The following TMEM220 variants were observed in gnomAD, a reference collection of about 807,000 sequenced individuals.
The protein encoded by TMEM220 is transmembrane protein 220.
Under a neutral mutation model 21.7 loss-of-function variants are expected in TMEM220, and 21 were observed. The ratio of observed to expected loss-of-function variants is 0.97; its 90% CI spans 0.69 to 1.39. TMEM220 has a LOEUF of 1.39. Among genes scored for constraint, TMEM220 ranks in the 40% most tolerant of loss-of-function variants. The probability of loss-of-function intolerance (pLI) is 0.00; values close to 1 mark genes in which losing one functional copy is unlikely to be tolerated. For synonymous variants in TMEM220, 80 were observed against 73.6 expected (o/e 1.09, Z -0.45); for missense variants, 191 against 201.9 (o/e 0.95, Z 0.33).
At chr17:10,715,715 T>TA (rs2074908595) in intron 5 of TMEM220, 127 bp from the exon 6 acceptor site, 1 of 624,286 alleles carries the variant, frequency 1.6e-6, no homozygotes, top group Non-Finnish European at 2.5e-6. Flanking sequence ...TTTATTGAAA[T>TA]ATAACATTGA....
At chr17:10,728,237 C>A (rs562939766) in intron 2 of TMEM220, among the ~76,000 whole-genome samples, 2 of 150,142 alleles carry the variant, frequency 1.3e-5, no homozygotes, top group Non-Finnish European at 3.0e-5. Context: ...CAAATCAGAG[C>A]CTTGCTTATA....
intron 2 of TMEM220, among the ~76,000 whole-genome samples, chr17:10,727,839 G>A (rs1312049242): frequency 6.6e-6 from 1 of 152,084 alleles, no homozygotes; most frequent in East Asian, 1.9e-4. Context: ...GAGAGAAACT[G>A]GGCAAAATTC....
intron 5 of TMEM220, 25 bp downstream of exon 5, chr17:10,723,245 A>G: frequency 6.2e-7 from 1 of 1,609,870 alleles, no homozygotes; most frequent in South Asian, 1.1e-5. Flanking sequence ...TCCCAAAGTG[A>G]AGATGTGATG....
intron 5 of TMEM220, among the ~76,000 whole-genome samples, chr17:10,718,587 T>C (rs1379045880): frequency 6.6e-6 from 1 of 152,198 alleles, no homozygotes; most frequent in East Asian, 1.9e-4. Flanking sequence ...TATGTTTCCC[T>C]CTAAGCATGA....
Position 10,729,682 on chromosome 17 carries a change from C to T in TMEM220, c.72+98G>A, listed in dbSNP as rs987738721. On this transcript the variant is annotated intron_variant, in intron 1 of 5. Coordinates refer to ENST00000341871, the MANE Select transcript of TMEM220 (RefSeq NM_001004313.3). ...TCCCGTCCTCCCCACTAACTGTGCG[C>T]CCCTGCGACTCTGCCCGCTAGTCAG... is the stretch of plus-strand genomic sequence containing the variant. 1.8e-5 allele frequency: 19 copies of T among 1,067,690 alleles called. No homozygotes were observed. The Admixed American group carries it at 2.0e-4, about 11-fold the overall frequency. 66.1% of individuals were successfully genotyped at this position (1,067,690 alleles called of 1,614,324 possible).
In TMEM220 at chr17:10,715,304, C is replaced by T. The variant is rs2074898455; in HGVS notation, c.*149G>A. 2 of 635,748 alleles carry T rather than the reference C, an allele frequency of 3.1e-6. No homozygotes were observed. The highest frequency in any genetic ancestry group is 2.5e-5 in the South Asian group (1 of 40,444). The allele number at this position is 635,748 out of a possible 1,614,324, so 39.4% of individuals were successfully genotyped here. On this transcript the variant is annotated 3_prime_UTR_variant, in exon 6 of 6. Coordinates refer to ENST00000341871, the MANE Select transcript of TMEM220 (RefSeq NM_001004313.3). ...CTCTTACTTGTCCCATCCAATCTTA[C>T]ATCGAATTATATGCACCCTTAAAAA...
intron 5 of TMEM220, among the ~76,000 whole-genome samples, chr17:10,717,062 A>G (rs948461001): frequency 6.6e-6 from 1 of 152,218 alleles, no homozygotes; most frequent in Non-Finnish European, 1.5e-5. Context: ...CACTTATTCT[A>G]GTAATTTTTT....
chr17:10,729,628 G>C, intron 1 of TMEM220, 152 bp downstream of exon 1: 1 of 578,048 alleles, frequency 1.7e-6, no homozygotes, highest in Non-Finnish European at 2.6e-6. Context: ...GGGGGAGAAA[G>C]TGGGGGCTCC....
intron 5 of TMEM220, chr17:10,715,990 T>C (rs2074913731): frequency 2.6e-5 from 11 of 416,072 alleles, no homozygotes; most frequent in Non-Finnish European, 4.3e-6. Flanking sequence ...TTTATAAAAA[T>C]ATACTGCCCT....
intron 2 of TMEM220, 53 bp from the exon 3 acceptor site, chr17:10,726,317 T>C: frequency 7.2e-7 from 1 of 1,393,004 alleles, no homozygotes; most frequent in Non-Finnish European, 1.0e-6. Flanking sequence ...GCCCAATATA[T>C]GAGATGTTCA....
intron 3 of TMEM220, 74 bp downstream of exon 3, chr17:10,726,130 T>G: frequency 8.1e-7 from 1 of 1,237,676 alleles, no homozygotes; most frequent in Non-Finnish European, 1.2e-6. Flanking sequence ...CTCCTGGGAG[T>G]TGGGCAGATA....
chr17:10,712,965 G>T (rs140443243), downstream of TMEM220, among the ~76,000 whole-genome samples: 325 of 152,192 alleles, frequency 2.1e-3, 1 homozygote, highest in Non-Finnish European at 4.2e-3. Context: ...AAAATGTGAA[G>T]GTGTGAAAGA....
chr17:10,729,018 G>A lies in TMEM220; in HGVS notation c.102+13C>T, dbSNP rs373429827. 4.3e-6 allele frequency: 7 copies of A among 1,614,094 alleles called. No individual in the cohort carries two copies. Among genetic ancestry groups the A allele is most frequent in the East Asian group, 4.5e-5 (2 of 44,886 alleles). On this transcript the variant is annotated intron_variant, in intron 2 of 5. Coordinates refer to ENST00000341871, the MANE Select transcript of TMEM220 (RefSeq NM_001004313.3). ...TCCAAACGGAGGAAAGCCTGGAAGCGGCTCATACTCACCACCCACACCTCT... is the reference window on the plus strand; with the variant it reads ...TCCAAACGGAGGAAAGCCTGGAAGCAGCTCATACTCACCACCCACACCTCT...
chr17:10,729,000 G>A (rs781625530), intron 2 of TMEM220, 31 bp downstream of exon 2: 5 of 1,613,372 alleles, frequency 3.1e-6, no homozygotes, highest in Non-Finnish European at 4.2e-6. Flanking sequence ...TCTTCCAAAC[G>A]GAGGAAAGCC....
rs868175452 is a variant in TMEM220, at chr17:10,713,673, C to G, written c.*1780G>C. The G allele has an allele frequency of 1.3e-5, 2 of 152,006 alleles. No homozygotes were observed. Among genetic ancestry groups the G allele is most frequent in the South Asian group, 2.1e-4 (1 of 4,826 alleles). The allele number at this position is 152,006 out of a possible 1,614,324, so 9.4% of individuals were successfully genotyped here. On this transcript the variant is annotated 3_prime_UTR_variant, in exon 6 of 6. Coordinates refer to ENST00000341871, the MANE Select transcript of TMEM220 (RefSeq NM_001004313.3). The stretch of plus-strand genomic sequence containing the variant: ...AATCCTTTATGTGTATTTTACTGAC[C>G]CTTAAGTTTCACTTTGACTGTTTTA...
rs549881025 is a variant in TMEM220, at chr17:10,719,523, C to T, written c.347+3747G>A. Among the ~76,000 whole-genome samples the T allele has an allele frequency of 4.6e-5, 7 of 152,262 alleles. No homozygotes were observed. In the South Asian group the frequency reaches 1.5e-3, roughly 32 times the overall value. On this transcript the variant is annotated intron_variant, in intron 5 of 5. Coordinates refer to ENST00000341871, the MANE Select transcript of TMEM220 (RefSeq NM_001004313.3). Reference sequence around the variant, plus strand: ...CTTGTGATCTGCCCGCCTCAGCCTCCCAAAGTGCTGGGATTATAGGTGTGA... The same window carrying T: ...CTTGTGATCTGCCCGCCTCAGCCTCTCAAAGTGCTGGGATTATAGGTGTGA...
At chr17:10,717,726 G>A (rs73289728) in intron 5 of TMEM220, among the ~76,000 whole-genome samples, 9 of 151,932 alleles carry the variant, frequency 5.9e-5, no homozygotes, top group Admixed American at 5.9e-4. Context: ...TTGAAAGTTG[G>A]TATTATTTTT....
rs941398461 is a variant in TMEM220, at chr17:10,723,416, G to A, written c.288-87C>T. On this transcript the variant is annotated intron_variant, in intron 4 of 5. Transcript: ENST00000341871. ...ATTCTCTCCATGACCACCTGATAGC[G>A]CATTCTGATTGAGTGACTGACTCTC... is the stretch of plus-strand genomic sequence containing the variant. The A allele has an allele frequency of 4.7e-5, 44 of 939,628 alleles. 1 individual carries two copies. In the East Asian group the frequency reaches 4.8e-4, roughly 10 times the overall value. The allele number at this position is 939,628 out of a possible 1,614,324, so 58.2% of individuals were successfully genotyped here. A position where few individuals can be genotyped will look rare whatever the true frequency, so the allele number is the denominator to read the frequency against.
rs1298604156 is a variant in TMEM220, at chr17:10,713,543, C to A, written c.*1910G>T. 1 of 119,878 alleles carries A rather than the reference C, an allele frequency of 8.3e-6. No individual in the cohort carries two copies. The highest frequency in any genetic ancestry group is 3.7e-5 in the African/African-American group (1 of 26,972). The allele number at this position is 119,878 out of a possible 1,614,324, so 7.4% of individuals were successfully genotyped here. A position where few individuals can be genotyped will look rare whatever the true frequency, so the allele number is the denominator to read the frequency against. ...ATGGATAGAGCCCACAGGGAATTTG[C>A]AAATGAGTCTGTTTTTTTTTTGCAT... is the stretch of plus-strand genomic sequence containing the variant. On this transcript the variant is annotated 3_prime_UTR_variant, in exon 6 of 6. Coordinates refer to ENST00000341871, the MANE Select transcript of TMEM220 (RefSeq NM_001004313.3).
Sources: allele counts gnomAD v4.1 joint callset (sites outside exome capture counted in the v4.1 genomes callset), GRCh38; gene constraint gnomAD v4.1.1; transcripts MANE v1.5; gene names NCBI Gene and HGNC (gene_info 2026-07-23, HGNC 2026-07-21).